Variants in BMPR1A observed in about 807,000 individuals in gnomAD.
BMPR1A encodes the protein bone morphogenetic protein receptor type-1A.
Under a neutral mutation model 66.0 loss-of-function variants are expected in BMPR1A, and 7 were observed. The observed-to-expected ratio is 0.11, with a 90% confidence interval of 0.06 to 0.20. BMPR1A has a LOEUF of 0.20. BMPR1A is among the 10% of genes least tolerant of loss of function. The probability of loss-of-function intolerance (pLI) is 1.00; values close to 1 mark genes in which losing one functional copy is unlikely to be tolerated. For synonymous variants in BMPR1A, 200 were observed against 229.7 expected, an observed-to-expected ratio of 0.87 and a Z score of 1.17; for missense variants, 408 against 669.1, an observed-to-expected ratio of 0.61 and a Z score of 4.31.
At chr10:86,912,139 C>T (rs2133542662) in intron 7 of BMPR1A, 101 bp from the exon 8 acceptor site, 1 of 1,302,638 alleles carries the variant, frequency 7.7e-7, no homozygotes, top group Non-Finnish European at 1.1e-6. Context: ...GGATAGGATT[C>T]TTTCTGAGGG....
At chr10:86,869,736 A>G (rs1209872694) in intron 2 of BMPR1A, among the ~76,000 whole-genome samples, 1 of 152,100 alleles carries the variant, frequency 6.6e-6, no homozygotes, top group African/African-American at 2.4e-5. Context: ...CAGCCTGGGC[A>G]ACAAGAGTGA....
intron 5 of BMPR1A, among the ~76,000 whole-genome samples, chr10:86,896,755 T>G (rs12252480): frequency 0.017 from 2,523 of 152,314 alleles, 74 homozygotes; most frequent in African/African-American, 0.058. Context: ...CCAGAAATTA[T>G]TAATATATTG....
At chr10:86,848,346 C>A (rs1205651269) in intron 2 of BMPR1A, among the ~76,000 whole-genome samples, 1 of 152,166 alleles carries the variant, frequency 6.6e-6, no homozygotes, top group East Asian at 1.9e-4. Flanking sequence ...GTATGTAGAA[C>A]AGTGCCTGGC....
chr10:86,895,626 CA>C (rs1843214617), intron 5 of BMPR1A, among the ~76,000 whole-genome samples: 1 of 151,990 alleles, frequency 6.6e-6, no homozygotes, highest in African/African-American at 2.4e-5. Flanking sequence ...TTGATGATGA[CA>C]AAAGGAAAAA....
At chr10:86,781,105 T>A (rs1841430605) in intron 1 of BMPR1A, among the ~76,000 whole-genome samples, 1 of 151,770 alleles carries the variant, frequency 6.6e-6, no homozygotes, top group African/African-American at 2.4e-5. Context: ...CCGCCCGCCT[T>A]GGCCTCGCAA....
chr10:86,840,220 G>C (rs930698043), intron 2 of BMPR1A, among the ~76,000 whole-genome samples: 2 of 152,168 alleles, frequency 1.3e-5, no homozygotes, highest in Non-Finnish European at 2.9e-5. Context: ...TACACTTCTG[G>C]AAGTGGCAGG....
At chr10:86,835,242 AAAAAAAG>A (rs1458907966) in intron 1 of BMPR1A, among the ~76,000 whole-genome samples, 243 of 118,482 alleles carry the variant, frequency 2.1e-3, no homozygotes, top group Admixed American at 4.3e-3. Flanking sequence ...CTTTAAAAAG[AAAAAAAG>A]AAAAAAAAAA....
intron 7 of BMPR1A, among the ~76,000 whole-genome samples, chr10:86,911,782 G>A (rs1843490078): frequency 6.6e-6 from 1 of 151,664 alleles, no homozygotes; most frequent in Admixed American, 6.6e-5. Context: ...ATATGAGTAG[G>A]CAGTTCACAG....
chr10:86,860,865 G>A (rs1335653653), intron 2 of BMPR1A, among the ~76,000 whole-genome samples: 5 of 145,748 alleles, frequency 3.4e-5, no homozygotes, highest in Non-Finnish European at 6.0e-5. Flanking sequence ...TTTTTGAGGC[G>A]GAGTCTCGCT....
intron 1 of BMPR1A, among the ~76,000 whole-genome samples, chr10:86,801,622 G>A (rs1036579526): frequency 6.6e-6 from 1 of 152,118 alleles, no homozygotes; most frequent in African/African-American, 2.4e-5. Flanking sequence ...CTTAAAAAAA[G>A]TCAGCCTCTA....
At chr10:86,781,282 G>C (rs1841433958) in intron 1 of BMPR1A, among the ~76,000 whole-genome samples, 1 of 152,140 alleles carries the variant, frequency 6.6e-6, no homozygotes, top group South Asian at 2.1e-4. Context: ...ATTTATTGAA[G>C]AGACTGTCTT....
At chr10:86,847,157 T>G (rs116397075) in intron 2 of BMPR1A, among the ~76,000 whole-genome samples, 1,771 of 152,172 alleles carry the variant, frequency 0.012, 31 homozygotes, top group African/African-American at 0.04. Flanking sequence ...GCCTGGCCCA[T>G]TTGGGGTACT....
intron 1 of BMPR1A, among the ~76,000 whole-genome samples, chr10:86,824,688 T>G (rs551383522): frequency 3.9e-4 from 59 of 152,360 alleles, no homozygotes; most frequent in African/African-American, 1.4e-3. Context: ...TTTGTTAGTT[T>G]ATTGATGCAC....
At chr10:86,794,837 TATATAG>T (rs888063705) in intron 1 of BMPR1A, among the ~76,000 whole-genome samples, 6 of 151,168 alleles carry the variant, frequency 4.0e-5, no homozygotes, top group South Asian at 2.1e-4. Flanking sequence ...TAGATATAGA[TATATAG>T]ATATAGATAT....
At chr10:86,853,353 A>G (rs12243345) in intron 2 of BMPR1A, among the ~76,000 whole-genome samples, 9,570 of 152,052 alleles carry the variant, frequency 0.063, 695 homozygotes, top group African/African-American at 0.18. Flanking sequence ...AGAATTAGTG[A>G]AAACTTTGTC....
rs1013976124 is a variant in BMPR1A, at chr10:86,924,775, A to G, written c.*1056A>G. On this transcript the variant is annotated 3_prime_UTR_variant, in exon 13 of 13. Coordinates refer to ENST00000372037, the MANE Select transcript of BMPR1A (RefSeq NM_004329.3). The stretch of plus-strand genomic sequence containing the variant: ...TTACAACCATACTTTATATATGTAC[A>G]TACATTCATACTGTAGAAACCAGCT... 1.3e-5 allele frequency: 3 copies of G among 232,684 alleles called. No individual in the cohort carries two copies. Among genetic ancestry groups the G allele is most frequent in the African/African-American group, 6.6e-5 (3 of 45,334 alleles). 14.4% of individuals were successfully genotyped at this position (232,684 alleles called of 1,614,324 possible). A position where few individuals can be genotyped will look rare whatever the true frequency, so the allele number is the denominator to read the frequency against.
At chr10:86,892,427 A>G (rs543933709) in intron 5 of BMPR1A, among the ~76,000 whole-genome samples, 198 bp downstream of exon 5, 10 of 152,284 alleles carry the variant, frequency 6.6e-5, no homozygotes, top group African/African-American at 2.2e-4. Context: ...CTGAAAAGCT[A>G]ATTGTTTGAT....
intron 5 of BMPR1A, among the ~76,000 whole-genome samples, chr10:86,893,906 TTCTGAC>T: frequency 6.6e-6 from 1 of 152,230 alleles, no homozygotes. Flanking sequence ...CTATCTTCCT[TTCTGAC>T]TCTTTGGACC....
intron 6 of BMPR1A, 46 bp downstream of exon 6, chr10:86,899,936 T>G: frequency 6.2e-7 from 1 of 1,609,424 alleles, no homozygotes; most frequent in Non-Finnish European, 8.5e-7. Flanking sequence ...AAATATCTTC[T>G]CTGGTTTTAC....
Sources: gnomAD v4.1 joint callset for allele counts (sites outside exome capture counted in the v4.1 genomes callset) on GRCh38, gnomAD v4.1.1 for gene constraint, MANE v1.5 for transcripts, NCBI Gene and HGNC (gene_info 2026-07-23, HGNC 2026-07-21) for gene names.